The following NEU2 variants were observed in gnomAD, a reference collection of about 807,000 sequenced individuals.
NEU2 encodes the protein sialidase-2.
Under a neutral mutation model 6.3 loss-of-function variants are expected in NEU2, and 7 were observed. The observed-to-expected ratio is 1.12, with a 90% CI of 0.63 to 2.10. The LOEUF (loss-of-function observed/expected upper bound fraction) is 2.10, where lower values mean the gene tolerates loss of function less well. Ranked by LOEUF, NEU2 falls within the 30% of genes most tolerant of loss-of-function variation. The probability of loss-of-function intolerance (pLI) is 0.00; values close to 1 mark genes in which losing one functional copy is unlikely to be tolerated. For synonymous variants in NEU2, 208 were observed against 223.3 expected (o/e 0.93, Z 0.61); for missense variants, 509 against 504.0 (o/e 1.01, Z -0.09).
rs752763820 is a variant in NEU2, at chr2:233,035,049, C to T, written c.1135C>T (p.Pro379Ser). The part of the protein sequence containing the change: ...LKQAFPAEYL[P>S]Q Reference sequence around the variant, plus strand: ...GCAAGCCTTCCCAGCTGAGTACCTGCCTCAGTGAGCCTGTGGTGCCCACCT... The same window carrying T: ...GCAAGCCTTCCCAGCTGAGTACCTGTCTCAGTGAGCCTGTGGTGCCCACCT... Residue 379 changes from proline to serine, a missense_variant, in exon 2 of 2, where the codon CCT (proline) becomes TCT (serine). Coordinates refer to ENST00000233840, the MANE Select transcript of NEU2 (RefSeq NM_005383.2). 1.3e-6 allele frequency: 2 copies of T among 1,593,164 alleles called. No homozygotes were observed. Among genetic ancestry groups the T allele is most frequent in the Non-Finnish European group, 1.7e-6 (2 of 1,168,194 alleles).
At position 233,034,342 on chromosome 2, in the gene NEU2, C is replaced by A; in HGVS notation, c.428C>A (p.Thr143Asn). The A allele has an allele frequency of 6.2e-7, 1 of 1,614,068 alleles. No individual in the cohort carries two copies. The highest frequency in any genetic ancestry group is 8.5e-7 in the Non-Finnish European group (1 of 1,179,974). Residue 143 changes from threonine (T) to asparagine (N), a missense_variant, in exon 2 of 2, where the codon ACT becomes AAT. Thr to Asn is a moderately conservative substitution (Grantham distance 65, BLOSUM62 0). Coordinates refer to ENST00000233840, the MANE Select transcript of NEU2 (RefSeq NM_005383.2). This position sits in a 1 kb window ranked among gnomAD's most constrained non-coding sequence, Gnocchi z 4.8. ...ACCTGGAGCTCCCCCAGAGACCTCA[C>A]TGATGCGGCCATCGGCCCAGCCTAC... ...GRTWSSPRDL[T>N]DAAIGPAYRE...
rs1049085067 is a variant in NEU2, at chr2:233,034,428, C to T, written c.514C>T (p.Arg172Trp). 19 of 1,613,856 alleles carry T rather than the reference C, an allele frequency of 1.2e-5. No homozygotes were observed. The highest frequency in any genetic ancestry group is 7.7e-5 in the South Asian group (7 of 91,084). The change falls in exon 2 of 2, where the codon CGG becomes TGG. Residue 172 changes from arginine to tryptophan, a missense_variant. Coordinates refer to ENST00000233840, the MANE Select transcript of NEU2 (RefSeq NM_005383.2). The surrounding 1 kb of genome is among the most constrained non-coding windows in gnomAD (Gnocchi z 4.8). ...TTGTTTGCAGCTTCACGACAGGGCCCGGAGCCTGGTGGTGCCCGCCTACGC... is the reference window on the plus strand; with the variant it reads ...TTGTTTGCAGCTTCACGACAGGGCCTGGAGCCTGGTGGTGCCCGCCTACGC... Reference protein sequence around the residue: ...GHCLQLHDRARSLVVPAYAYR... With the variant: ...GHCLQLHDRAWSLVVPAYAYR...
chr2:233,034,566 G>C lies in NEU2; in HGVS notation c.652G>C (p.Glu218Gln), dbSNP rs1472691032. ...RGHFVAQDTLECQVAEVETGE... is the reference protein window; with the variant it reads ...RGHFVAQDTLQCQVAEVETGE... ...GCACTTTGTGGCCCAGGACACCCTGGAGTGCCAGGTGGCCGAAGTCGAGAC... is the reference window on the plus strand; with the variant it reads ...GCACTTTGTGGCCCAGGACACCCTGCAGTGCCAGGTGGCCGAAGTCGAGAC... Residue 218 changes from glutamate (E) to glutamine (Q), a missense_variant, in exon 2 of 2, where the codon GAG becomes CAG. Glu to Gln is a conservative substitution (Grantham distance 29, BLOSUM62 2). Transcript: ENST00000233840. This position sits in a 1 kb window ranked among gnomAD's most constrained non-coding sequence, Gnocchi z 4.8. 6.2e-7 allele frequency: 1 copy of C among 1,614,108 alleles called. No homozygotes were observed. Among genetic ancestry groups the C allele is most frequent in the Non-Finnish European group, 8.5e-7 (1 of 1,179,972 alleles).
rs1690560718 is a variant in NEU2 at position 233,034,493 on chromosome 2, T to C, written c.579T>C (p.Ser193=). Residue 193 remains serine (S), a synonymous_variant, in exon 2 of 2, where the codon TCT becomes TCC. Transcript: ENST00000233840. This position sits in a 1 kb window ranked among gnomAD's most constrained non-coding sequence, Gnocchi z 4.8. ...ACCCCATCCAAAGGCCGATCCCCTCTGCCTTCTGCTTCCTCAGCCATGACC... is the reference window on the plus strand; with the variant it reads ...ACCCCATCCAAAGGCCGATCCCCTCCGCCTTCTGCTTCCTCAGCCATGACC... ...KLHPIQRPIP[S]AFCFLSHDHG... is the part of the protein sequence containing the mutation. 6.2e-7 allele frequency: 1 copy of C among 1,614,156 alleles called. No homozygotes were observed. Among genetic ancestry groups the C allele is most frequent in the South Asian group, 1.1e-5 (1 of 91,084 alleles).
In NEU2 at chr2:233,034,190, C is replaced by A. The variant is rs770635668; in HGVS notation, c.276C>A (p.Asp92Glu). The change falls in exon 2 of 2, where the codon GAC becomes GAA. Residue 92 changes from aspartate (D) to glutamate (E), a missense_variant. By Grantham distance (45) the Asp-to-Glu change is conservative (BLOSUM62 2). Coordinates refer to ENST00000233840, the MANE Select transcript of NEU2 (RefSeq NM_005383.2). The surrounding 1 kb of genome is among the most constrained non-coding windows in gnomAD (Gnocchi z 4.8). ...HRSMNPCPLY[D>E]AQTGTLFLFF... ...CCATGAACCCATGCCCCTTGTATGA[C>A]GCGCAGACGGGGACCCTCTTCCTCT... 2 of 1,614,110 alleles carry A rather than the reference C, an allele frequency of 1.2e-6. No individual in the cohort carries two copies. Among genetic ancestry groups the A allele is most frequent in the Admixed American group, 1.7e-5 (1 of 60,022 alleles).
Position 233,034,612 on chromosome 2 carries a change from C to A in NEU2, c.698C>A (p.Thr233Asn), listed in dbSNP as rs945981464. 2.5e-6 allele frequency: 4 copies of A among 1,611,444 alleles called. No individual in the cohort carries two copies. Among genetic ancestry groups the A allele is most frequent in the Admixed American group, 1.7e-5 (1 of 59,800 alleles). The change falls in exon 2 of 2, where the codon ACC (threonine) becomes AAC (asparagine). Residue 233 changes from threonine (T) to asparagine (N), a missense_variant. Physicochemically the swap from Thr to Asn is moderately conservative, Grantham distance 65. Coordinates refer to ENST00000233840, the MANE Select transcript of NEU2 (RefSeq NM_005383.2). The surrounding 1 kb of genome is among the most constrained non-coding windows in gnomAD (Gnocchi z 4.8). The part of the protein sequence containing the change: ...EVETGEQRVV[T>N]LNARSHLRAR... ...GAGACTGGGGAGCAGAGGGTGGTGACCCTCAACGCGAGAAGCCACCTCCGA... is the reference window on the plus strand; with the variant it reads ...GAGACTGGGGAGCAGAGGGTGGTGAACCTCAACGCGAGAAGCCACCTCCGA...
rs200301557 is a variant in NEU2 at position 233,034,349 on chromosome 2, G to A, written c.435G>A (p.Ala145=). 3.9e-4 allele frequency: 627 copies of A among 1,613,864 alleles called. 1 individual carries two copies. Among genetic ancestry groups the A allele is most frequent in the African/African-American group, 6.9e-4 (52 of 74,912 alleles). Residue 145 remains alanine, a synonymous_variant, in exon 2 of 2, where the codon GCG becomes GCA. Coordinates refer to ENST00000233840, the MANE Select transcript of NEU2 (RefSeq NM_005383.2). The surrounding 1 kb of genome is among the most constrained non-coding windows in gnomAD (Gnocchi z 4.8). ...GCTCCCCCAGAGACCTCACTGATGC[G>A]GCCATCGGCCCAGCCTACCGGGAGT... is the stretch of plus-strand genomic sequence containing the variant. ...TWSSPRDLTD[A]AIGPAYREWS...
Position 233,034,782 on chromosome 2 carries a change from G to A in NEU2, c.868G>A (p.Ala290Thr). The change falls in exon 2 of 2, where the codon GCC (alanine) becomes ACC (threonine). Residue 290 changes from alanine (A) to threonine (T), a missense_variant. Ala to Thr is a moderately conservative substitution (Grantham distance 58, BLOSUM62 0). Coordinates refer to ENST00000233840, the MANE Select transcript of NEU2 (RefSeq NM_005383.2). The surrounding 1 kb of genome is among the most constrained non-coding windows in gnomAD (Gnocchi z 4.8). ...CCCCCGCTCGGGGCCTGGCTCCCCAGCCCAGTGGCTGCTCTACACTCACCC... is the reference window on the plus strand; with the variant it reads ...CCCCCGCTCGGGGCCTGGCTCCCCAACCCAGTGGCTGCTCTACACTCACCC... Reference protein sequence around the residue: ...PSPRSGPGSPAQWLLYTHPTH... With the variant: ...PSPRSGPGSPTQWLLYTHPTH... The A allele has an allele frequency of 2.6e-6, 4 of 1,545,678 alleles. No individual in the cohort carries two copies. The highest frequency in any genetic ancestry group is 3.5e-6 in the Non-Finnish European group (4 of 1,145,244).
chr2:233,033,551 C>A (rs1191233132), intron 1 of NEU2, among the ~76,000 whole-genome samples: 1 of 152,154 alleles, frequency 6.6e-6, no homozygotes, highest in Non-Finnish European at 1.5e-5. Flanking sequence ...CTTAGAATTG[C>A]CCAATGGGGG....
In NEU2 at chr2:233,034,268, G is replaced by A; in HGVS notation, c.354G>A (p.Arg118=). The A allele has an allele frequency of 1.2e-6, 2 of 1,614,164 alleles. No individual in the cohort carries two copies. Among genetic ancestry groups the A allele is most frequent in the Non-Finnish European group, 1.7e-6 (2 of 1,180,044 alleles). The part of the protein sequence containing the change: ...QVTEQQQLQT[R]ANVTRLCQVT... ...CGGAGCAACAGCAGCTGCAGACCAG[G>A]GCCAATGTGACGCGGCTGTGCCAAG... The change falls in exon 2 of 2, where the codon AGG becomes AGA. Residue 118 remains arginine (R), a synonymous_variant. Coordinates refer to ENST00000233840, the MANE Select transcript of NEU2 (RefSeq NM_005383.2). This position sits in a 1 kb window ranked among gnomAD's most constrained non-coding sequence, Gnocchi z 4.8.
Position 233,034,046 on chromosome 2 carries a change from A to G in NEU2, c.202-70A>G. The G allele has an allele frequency of 7.2e-7, 1 of 1,385,156 alleles. No individual in the cohort carries two copies. The highest frequency in any genetic ancestry group is 9.8e-7 in the Non-Finnish European group (1 of 1,016,014). 85.8% of individuals were successfully genotyped at this position (1,385,156 alleles called of 1,614,324 possible). On this transcript the variant is annotated intron_variant, in intron 1 of 1. Transcript: ENST00000233840. This position sits in a 1 kb window ranked among gnomAD's most constrained non-coding sequence, Gnocchi z 4.8. ...AGACACACCCGTGCCCACCCCTCCC[A>G]CTCATGCAGCTCCTGGCACCATCCC...
chr2:233,034,468 A>T lies in NEU2; in HGVS notation c.554A>T (p.His185Leu). 1.2e-6 allele frequency: 2 copies of T among 1,613,720 alleles called. No individual in the cohort carries two copies. Among genetic ancestry groups the T allele is most frequent in the Non-Finnish European group, 1.7e-6 (2 of 1,179,918 alleles). The change falls in exon 2 of 2, where the codon CAC becomes CTC. Residue 185 changes from histidine to leucine, a missense_variant. Transcript: ENST00000233840. This position sits in a 1 kb window ranked among gnomAD's most constrained non-coding sequence, Gnocchi z 4.8. ...CCCGCCTACGCCTACCGGAAACTTC[A>T]CCCCATCCAAAGGCCGATCCCCTCT... ...VVPAYAYRKL[H>L]PIQRPIPSAF...
In NEU2 at chr2:233,034,396, C is replaced by T. The variant is rs139078223; in HGVS notation, c.482C>T (p.Pro161Leu). Residue 161 changes from proline (P) to leucine (L), a missense_variant, in exon 2 of 2, where the codon CCG becomes CTG. Coordinates refer to ENST00000233840, the MANE Select transcript of NEU2 (RefSeq NM_005383.2). This position sits in a 1 kb window ranked among gnomAD's most constrained non-coding sequence, Gnocchi z 4.8. ...YREWSTFAVG[P>L]GHCLQLHDRA... ...GAGTGGTCCACCTTTGCAGTGGGCCCGGGGCATTGTTTGCAGCTTCACGAC... is the reference window on the plus strand; with the variant it reads ...GAGTGGTCCACCTTTGCAGTGGGCCTGGGGCATTGTTTGCAGCTTCACGAC... 1.0e-4 allele frequency: 164 copies of T among 1,613,928 alleles called. No homozygotes were observed. In the African/African-American group the frequency reaches 1.1e-3, roughly 10 times the overall value.
rs755571923 is a variant in NEU2 at position 233,034,851 on chromosome 2, C to T, written c.937C>T (p.Pro313Ser). The T allele has an allele frequency of 1.2e-6, 2 of 1,610,098 alleles. No homozygotes were observed. The highest frequency in any genetic ancestry group is 2.7e-5 in the African/African-American group (2 of 74,866). ...QRADLGAYLN[P>S]RPPAPEAWSE... ...GGCCGACCTGGGTGCCTACCTCAAC[C>T]CGCGACCTCCAGCCCCTGAGGCCTG... Residue 313 changes from proline to serine, a missense_variant, in exon 2 of 2, where the codon CCG (proline) becomes TCG (serine). Transcript: ENST00000233840. This position sits in a 1 kb window ranked among gnomAD's most constrained non-coding sequence, Gnocchi z 4.8.
Position 233,034,409 on chromosome 2 carries a change from G to C in NEU2, c.495G>C (p.Leu165Phe). 1 of 1,614,000 alleles carries C rather than the reference G, an allele frequency of 6.2e-7. No individual in the cohort carries two copies. Among genetic ancestry groups the C allele is most frequent in the Non-Finnish European group, 8.5e-7 (1 of 1,179,906 alleles). The change falls in exon 2 of 2, where the codon TTG (leucine) becomes TTC (phenylalanine). Residue 165 changes from leucine (L) to phenylalanine (F), a missense_variant. Transcript: ENST00000233840. The surrounding 1 kb of genome is among the most constrained non-coding windows in gnomAD (Gnocchi z 4.8). ...STFAVGPGHC[L>F]QLHDRARSLV... is the part of the protein sequence containing the mutation. ...TTGCAGTGGGCCCGGGGCATTGTTT[G>C]CAGCTTCACGACAGGGCCCGGAGCC...
intron 1 of NEU2, among the ~76,000 whole-genome samples, chr2:233,033,396 C>T (rs1181169623): frequency 6.6e-6 from 1 of 152,216 alleles, no homozygotes; most frequent in Non-Finnish European, 1.5e-5. Flanking sequence ...GGTTCCGCCA[C>T]TGACCACAGA....
chr2:233,033,209 G>A (rs1231552440), intron 1 of NEU2, among the ~76,000 whole-genome samples: 3 of 152,176 alleles, frequency 2.0e-5, no homozygotes, highest in Non-Finnish European at 4.4e-5. Flanking sequence ...GGGGTGGGGT[G>A]ATGGCTTGTG....
chr2:233,034,201 G>C lies in NEU2; in HGVS notation c.287G>C (p.Gly96Ala). ...TGCCCCTTGTATGACGCGCAGACGG[G>C]GACCCTCTTCCTCTTCTTCATTGCC... is the stretch of plus-strand genomic sequence containing the variant. ...NPCPLYDAQT[G>A]TLFLFFIAIP... is the part of the protein sequence containing the mutation. The change falls in exon 2 of 2, where the codon GGG (glycine) becomes GCG (alanine). Residue 96 changes from glycine to alanine, a missense_variant. Coordinates refer to ENST00000233840, the MANE Select transcript of NEU2 (RefSeq NM_005383.2). This position sits in a 1 kb window ranked among gnomAD's most constrained non-coding sequence, Gnocchi z 4.8. The C allele has an allele frequency of 6.2e-7, 1 of 1,614,092 alleles. No individual in the cohort carries two copies. The highest frequency in any genetic ancestry group is 1.6e-4 in the Middle Eastern group (1 of 6,062).
rs1049085067 is a variant in NEU2, at chr2:233,034,428, C to G, written c.514C>G (p.Arg172Gly). ...TTGTTTGCAGCTTCACGACAGGGCC[C>G]GGAGCCTGGTGGTGCCCGCCTACGC... ...GHCLQLHDRA[R>G]SLVVPAYAYR... The change falls in exon 2 of 2, where the codon CGG (arginine) becomes GGG (glycine). Residue 172 changes from arginine (R) to glycine (G), a missense_variant. By Grantham distance (125) the Arg-to-Gly change is moderately radical. Transcript: ENST00000233840. This position sits in a 1 kb window ranked among gnomAD's most constrained non-coding sequence, Gnocchi z 4.8. 12 of 1,613,976 alleles carry G rather than the reference C, an allele frequency of 7.4e-6. No individual in the cohort carries two copies. The highest frequency in any genetic ancestry group is 1.6e-4 in the Middle Eastern group (1 of 6,062).
Sources: allele counts gnomAD v4.1 joint callset (sites outside exome capture counted in the v4.1 genomes callset), GRCh38; gene constraint gnomAD v4.1.1; non-coding constraint Gnocchi (gnomAD v3.1); transcripts MANE v1.5; gene names NCBI Gene and HGNC (gene_info 2026-07-23, HGNC 2026-07-21).